The following SPACA7 variants were observed in gnomAD, a reference collection of about 807,000 sequenced individuals.
SPACA7 encodes sperm acrosome associated 7.
In SPACA7, 19 loss-of-function variants were observed where a neutral mutation model predicts 26.3. The ratio of observed to expected loss-of-function variants is 0.72; its 90% CI spans 0.50 to 1.06. The LOEUF is 1.06. SPACA7 is among the 50% of genes least tolerant of loss of function. The probability of loss-of-function intolerance (pLI) is 0.00; values close to 1 mark genes in which losing one functional copy is unlikely to be tolerated. For missense variants in SPACA7, 211 were observed against 229.9 expected, an observed-to-expected ratio of 0.92 and a Z score of 0.53; for synonymous variants, 84 against 84.5, an observed-to-expected ratio of 0.99 and a Z score of 0.04.
chr13:112,429,847 C>G (rs1014222672), intron 5 of SPACA7, among the ~76,000 whole-genome samples: 1 of 151,972 alleles, frequency 6.6e-6, no homozygotes, highest in Non-Finnish European at 1.5e-5. Flanking sequence ...GTTCTTTTAC[C>G]CAGTTAAGTT....
At chr13:112,409,117 G>T (rs1308697617) in intron 5 of SPACA7, among the ~76,000 whole-genome samples, 10 of 152,128 alleles carry the variant, frequency 6.6e-5, no homozygotes, top group Non-Finnish European at 1.3e-4. Context: ...AATGGGGAAA[G>T]GATTCCCTAT....
At chr13:112,383,543 A>T (rs1306170335) in intron 1 of SPACA7, among the ~76,000 whole-genome samples, 1 of 152,196 alleles carries the variant, frequency 6.6e-6, no homozygotes, top group Admixed American at 6.5e-5. Context: ...TCCATGAAGA[A>T]TTTTAGATAA....
At chr13:112,421,319 A>G (rs553692455) in intron 5 of SPACA7, among the ~76,000 whole-genome samples, 4 of 152,220 alleles carry the variant, frequency 2.6e-5, no homozygotes, top group African/African-American at 9.6e-5. Context: ...ATGAGGTGAT[A>G]AATTACTATT....
intron 5 of SPACA7, among the ~76,000 whole-genome samples, chr13:112,429,561 C>A (rs1352263982): frequency 6.6e-6 from 1 of 152,068 alleles, no homozygotes; most frequent in Admixed American, 6.6e-5. Context: ...TTATAGACAG[C>A]GTATGGTTGG....
intron 5 of SPACA7, among the ~76,000 whole-genome samples, chr13:112,404,097 A>T (rs576778161): frequency 4.9e-4 from 74 of 152,008 alleles, no homozygotes; most frequent in African/African-American, 1.8e-3. Flanking sequence ...TTATTTTTTG[A>T]TTTTTTGATT....
chr13:112,378,603 G>A (rs755934142), intron 1 of SPACA7: 1 of 464,710 alleles, frequency 2.2e-6, no homozygotes. Flanking sequence ...GACTTCACAT[G>A]TGGTACCTAA....
intron 5 of SPACA7, among the ~76,000 whole-genome samples, chr13:112,416,011 A>G (rs1457226759): frequency 6.6e-6 from 1 of 151,912 alleles, no homozygotes; most frequent in East Asian, 2.0e-4. Flanking sequence ...CCCTCTCTGA[A>G]GCACACAGAT....
At position 112,397,109 on chromosome 13, in the gene SPACA7, G is replaced by A. The variant is rs561842415; in HGVS notation, c.152-940G>A. 1.9e-4 allele frequency among the ~76,000 whole-genome samples: 29 copies of A among 152,360 alleles called. No homozygotes were observed. The South Asian group carries it at 6.0e-3, about 32-fold the overall frequency. On this transcript the variant is annotated intron_variant, in intron 2 of 6. Coordinates refer to ENST00000283550, the MANE Select transcript of SPACA7 (RefSeq NM_145248.5). ...GCGGCTGCTGGGTGAGAAACCAAGAGCCCAGGACAAAGCTTTTTTATCGGT... is the reference window on the plus strand; with the variant it reads ...GCGGCTGCTGGGTGAGAAACCAAGAACCCAGGACAAAGCTTTTTTATCGGT...
intron 5 of SPACA7, among the ~76,000 whole-genome samples, chr13:112,430,414 G>A (rs1354185527): frequency 6.6e-6 from 1 of 152,112 alleles, no homozygotes; most frequent in Non-Finnish European, 1.5e-5. Context: ...TCCGATATAT[G>A]GGAAAGCACT....
intron 2 of SPACA7, among the ~76,000 whole-genome samples, chr13:112,396,946 T>A (rs976081911): frequency 3.9e-5 from 6 of 152,134 alleles, no homozygotes; most frequent in Non-Finnish European, 7.4e-5. Context: ...GTTCCCCTTT[T>A]ATCAGGAGGA....
At chr13:112,389,277 T>C (rs920068623) in intron 1 of SPACA7, among the ~76,000 whole-genome samples, 1 of 152,208 alleles carries the variant, frequency 6.6e-6, no homozygotes, top group Non-Finnish European at 1.5e-5. Context: ...TCTCTTTCAC[T>C]GTCTCAGTCA....
chr13:112,412,498 C>T (rs575385070), intron 5 of SPACA7, among the ~76,000 whole-genome samples: 1 of 152,104 alleles, frequency 6.6e-6, no homozygotes, highest in East Asian at 1.9e-4. Context: ...GTTGCCTGTG[C>T]TTTTAAGGTC....
chr13:112,414,243 A>C (rs1022807961), intron 5 of SPACA7, among the ~76,000 whole-genome samples: 5 of 147,462 alleles, frequency 3.4e-5, no homozygotes, highest in Admixed American at 6.8e-5. Context: ...CTCCTGCCTG[A>C]TCAATTCTGC....
At chr13:112,376,786 TAC>T (rs111796918) in intron 1 of SPACA7, among the ~76,000 whole-genome samples, 1 of 151,782 alleles carries the variant, frequency 6.6e-6, no homozygotes, top group East Asian at 1.9e-4. Context: ...TGTTTTTTTC[TAC>T]ACACACACAC....
At chr13:112,386,752 G>A (rs571081184) in intron 1 of SPACA7, among the ~76,000 whole-genome samples, 1 of 152,236 alleles carries the variant, frequency 6.6e-6, no homozygotes, top group Admixed American at 6.5e-5. Context: ...TAATTAACCT[G>A]ACTTTTAACC....
chr13:112,383,121 AAAAGAAAGAAAGAAAGAAAG>A (rs1233884331), intron 1 of SPACA7, among the ~76,000 whole-genome samples: 2,895 of 33,642 alleles, frequency 0.086, 141 homozygotes, highest in Admixed American at 0.17. Flanking sequence ...AAAAGAAAAG[AAAAGAAAGAAAGAAAGAAAG>A]AAAGAAAGAA....
chr13:112,385,746 G>A (rs559081144), intron 1 of SPACA7, among the ~76,000 whole-genome samples: 5 of 152,062 alleles, frequency 3.3e-5, no homozygotes, highest in Admixed American at 3.3e-4. Flanking sequence ...TACTGGTCAC[G>A]TGAACAAAAA....
chr13:112,379,167 C>T lies in SPACA7; in HGVS notation c.94+2688C>T, dbSNP rs936814410. ...TCCCACATCATTAATTCTTGTTCTA[C>T]TTGATCTTGGGTTAGCAGGTTTACA... is the stretch of plus-strand genomic sequence containing the variant. On this transcript the variant is annotated intron_variant, in intron 1 of 6. Transcript: ENST00000283550. Among the ~76,000 whole-genome samples the T allele has an allele frequency of 2.0e-5, 3 of 152,106 alleles. No individual in the cohort carries two copies. In the East Asian group the frequency reaches 5.8e-4, roughly 29 times the overall value.
intron 6 of SPACA7, among the ~76,000 whole-genome samples, chr13:112,433,694 A>C: frequency 6.6e-6 from 1 of 151,602 alleles, no homozygotes; most frequent in Non-Finnish European, 1.5e-5. Context: ...TGGGGCCCCC[A>C]GCCCCCCAAG....
Sources: allele counts gnomAD v4.1 joint callset (sites outside exome capture counted in the v4.1 genomes callset), GRCh38; gene constraint gnomAD v4.1.1; transcripts MANE v1.5; gene names NCBI Gene and HGNC (gene_info 2026-07-23, HGNC 2026-07-21).